Variants in SH3RF3 observed in about 807,000 individuals in gnomAD.
The protein encoded by SH3RF3 is E3 ubiquitin-protein ligase SH3RF3.
In SH3RF3, 29 loss-of-function variants were observed where a neutral mutation model predicts 66.3. The observed-to-expected ratio is 0.44, with a 90% CI of 0.33 to 0.60. The LOEUF (loss-of-function observed/expected upper bound fraction) is 0.60, where lower values mean the gene tolerates loss of function less well. Among genes scored for constraint, SH3RF3 ranks in the 20% least tolerant of loss-of-function variants. The probability of loss-of-function intolerance (pLI) is 0.04; values close to 1 mark genes in which losing one functional copy is unlikely to be tolerated. For synonymous variants in SH3RF3, 583 were observed against 532.0 expected (o/e 1.10, Z -1.32); for missense variants, 1,194 against 1,190.9 (o/e 1.00, Z -0.04).
At chr2:109,239,616 C>A (rs1194378352) in intron 1 of SH3RF3, among the ~76,000 whole-genome samples, 2 of 152,110 alleles carry the variant, frequency 1.3e-5, no homozygotes, top group African/African-American at 4.8e-5. Flanking sequence ...CAGGCGTGAT[C>A]ATCCAGGATA....
At position 109,376,540 on chromosome 2, in the gene SH3RF3, CA is replaced by C. The variant is rs1309640996; in HGVS notation, c.945+4866del. On this transcript the variant is annotated intron_variant, in intron 3 of 9. Transcript: ENST00000309415. The stretch of plus-strand genomic sequence containing the variant: ...CCAGGATCGTGATCCAAAAATAGTT[CA>C]AAAAAATGATGAAAGACAGTAGACA... Among the ~76,000 whole-genome samples, 3 of 152,096 alleles carry C rather than the reference CA, an allele frequency of 2.0e-5. No individual in the cohort carries two copies. In the South Asian group the frequency reaches 6.2e-4, roughly 32 times the overall value.
At chr2:109,314,011 A>G (rs886456658) in intron 1 of SH3RF3, among the ~76,000 whole-genome samples, 7 of 152,190 alleles carry the variant, frequency 4.6e-5, no homozygotes, top group Non-Finnish European at 8.8e-5. Context: ...AAGGAGTACC[A>G]GGCTGTGGGA....
chr2:109,380,873 T>G (rs1675630697), intron 3 of SH3RF3, among the ~76,000 whole-genome samples: 2 of 152,218 alleles, frequency 1.3e-5, no homozygotes, highest in East Asian at 3.9e-4. Context: ...ATTCAGGGCC[T>G]TTGGAGGCCC....
intron 3 of SH3RF3, 67 bp downstream of exon 3, chr2:109,371,748 C>G: frequency 1.4e-6 from 2 of 1,385,154 alleles, no homozygotes; most frequent in Non-Finnish European, 2.0e-6. Context: ...ACAGTGGGGT[C>G]ACCTGACCTT....
chr2:109,219,466 A>C (rs1345079756), intron 1 of SH3RF3, among the ~76,000 whole-genome samples: 1 of 152,222 alleles, frequency 6.6e-6, no homozygotes. Context: ...AAATTAGGGA[A>C]GGAAAATAAA....
chr2:109,143,397 A>C (rs1677012922), intron 1 of SH3RF3, among the ~76,000 whole-genome samples: 1 of 152,160 alleles, frequency 6.6e-6, no homozygotes. Flanking sequence ...CATTATTCAC[A>C]GGGCCAATAT....
intron 9 of SH3RF3, among the ~76,000 whole-genome samples, chr2:109,492,912 T>C (rs1679166444): frequency 6.6e-6 from 1 of 152,024 alleles, no homozygotes; most frequent in African/African-American, 2.4e-5. Context: ...TCCCAGCCCC[T>C]ACAGCCACAC....
At position 109,158,467 on chromosome 2, in the gene SH3RF3, C is replaced by A. The variant is rs142374615; in HGVS notation, c.573+28354C>A. Among the ~76,000 whole-genome samples the A allele has an allele frequency of 2.7e-3, 408 of 152,256 alleles. 2 individuals are homozygous for A. The highest frequency in any genetic ancestry group is 2.6e-3 in the Non-Finnish European group (178 of 68,026). ...GGTTCAGCTGAGGGCAGGTTCAGTC[C>A]CCCAAGGCTCAGCCACTTCATCCTT... On this transcript the variant is annotated intron_variant, in intron 1 of 9. Transcript: ENST00000309415.
At chr2:109,392,503 C>T (rs1676026289) in intron 3 of SH3RF3, among the ~76,000 whole-genome samples, 1 of 151,988 alleles carries the variant, frequency 6.6e-6, no homozygotes, top group African/African-American at 2.4e-5. Flanking sequence ...GTCACCAGGC[C>T]CCTTGCTTCT....
intron 3 of SH3RF3, among the ~76,000 whole-genome samples, chr2:109,374,506 A>AT (rs1465385128): frequency 6.6e-6 from 1 of 152,192 alleles, no homozygotes; most frequent in Non-Finnish European, 1.5e-5. Context: ...CCGCACAGGC[A>AT]TTTGAGGTGG....
chr2:109,462,371 G>C (rs1559096600), intron 8 of SH3RF3, among the ~76,000 whole-genome samples: 1 of 152,034 alleles, frequency 6.6e-6, no homozygotes, highest in Non-Finnish European at 1.5e-5. Context: ...GATACCAAGA[G>C]GTGTGGTGGA....
At chr2:109,323,997 C>G (rs1054496724) in intron 1 of SH3RF3, among the ~76,000 whole-genome samples, 3 of 152,214 alleles carry the variant, frequency 2.0e-5, no homozygotes, top group African/African-American at 7.2e-5. Context: ...CTGGAAAACA[C>G]TAATGTAATT....
intron 1 of SH3RF3, among the ~76,000 whole-genome samples, chr2:109,152,389 T>C (rs919313394): frequency 2.0e-5 from 3 of 152,174 alleles, no homozygotes; most frequent in Non-Finnish European, 4.4e-5. Context: ...TTAGCTGACA[T>C]GTACAGCAAA....
At chr2:109,351,422 G>A (rs1477942670) in intron 2 of SH3RF3, among the ~76,000 whole-genome samples, 1 of 152,254 alleles carries the variant, frequency 6.6e-6, no homozygotes, top group African/African-American at 2.4e-5. Flanking sequence ...GCCTAGGGCT[G>A]GGAGTGCAGG....
At chr2:109,411,564 C>T (rs1573230449) in intron 4 of SH3RF3, among the ~76,000 whole-genome samples, 1 of 152,214 alleles carries the variant, frequency 6.6e-6, no homozygotes, top group South Asian at 2.1e-4. Flanking sequence ...CTGACCCCAT[C>T]AGCATCGGGA....
chr2:109,352,658 C>G (rs558789371), intron 2 of SH3RF3, among the ~76,000 whole-genome samples: 2 of 152,324 alleles, frequency 1.3e-5, no homozygotes, highest in East Asian at 3.9e-4. Flanking sequence ...TGAAGTTACC[C>G]GAGAAACTCA....
chr2:109,465,568 C>A (rs1279224896), intron 8 of SH3RF3, among the ~76,000 whole-genome samples: 1 of 152,152 alleles, frequency 6.6e-6, no homozygotes, highest in Non-Finnish European at 1.5e-5. Flanking sequence ...TTTGCAGTTC[C>A]CTAATGACAT....
chr2:109,359,246 C>G (rs894485055), intron 2 of SH3RF3, among the ~76,000 whole-genome samples: 3 of 152,146 alleles, frequency 2.0e-5, no homozygotes, highest in Non-Finnish European at 4.4e-5. Flanking sequence ...TATTTGTTGG[C>G]TCTTCTAGGT....
At chr2:109,489,886 T>C (rs968111920) in intron 8 of SH3RF3, among the ~76,000 whole-genome samples, 25 of 152,250 alleles carry the variant, frequency 1.6e-4, no homozygotes, top group South Asian at 4.1e-4. Context: ...TACAGGCAAG[T>C]GCCACCACAC....
Sources: allele counts gnomAD v4.1 joint callset (sites outside exome capture counted in the v4.1 genomes callset), GRCh38; gene constraint gnomAD v4.1.1; transcripts MANE v1.5; gene names NCBI Gene and HGNC (gene_info 2026-07-23, HGNC 2026-07-21).